MAGI2: variants seen among roughly 807,000 people sequenced by gnomAD.
MAGI2 encodes membrane-associated guanylate kinase, WW and PDZ domain-containing protein 2.
In MAGI2, 35 loss-of-function variants were observed where a neutral mutation model predicts 133.3. The observed-to-expected ratio is 0.26, with a 90% CI of 0.20 to 0.35. The LOEUF is 0.35. Among genes scored for constraint, MAGI2 ranks in the 10% least tolerant of loss-of-function variants. The probability of loss-of-function intolerance (pLI) is 1.00; values close to 1 mark genes in which losing one functional copy is unlikely to be tolerated. For missense variants in MAGI2, 1,636 were observed against 1,863.4 expected, an observed-to-expected ratio of 0.88 and a Z score of 2.25; for synonymous variants, 729 against 710.6, an observed-to-expected ratio of 1.03 and a Z score of -0.41.
intron 2 of MAGI2, among the ~76,000 whole-genome samples, chr7:78,873,945 A>G (rs984130213): frequency 2.0e-5 from 3 of 152,188 alleles, no homozygotes; most frequent in Non-Finnish European, 4.4e-5. Flanking sequence ...TTTCCAGATA[A>G]TCACTACCTA....
At chr7:79,181,243 G>T (rs930693133) in intron 1 of MAGI2, among the ~76,000 whole-genome samples, 9 of 151,946 alleles carry the variant, frequency 5.9e-5, no homozygotes, top group Non-Finnish European at 1.3e-4. Context: ...CCTAGAAGAG[G>T]GTCTCCATGA....
At chr7:78,423,666 C>T (rs1445426965) in intron 6 of MAGI2, among the ~76,000 whole-genome samples, 1 of 152,100 alleles carries the variant, frequency 6.6e-6, no homozygotes, top group Non-Finnish European at 1.5e-5. Flanking sequence ...CAATAAGGTC[C>T]AGGCTGAGGT....
chr7:78,628,452 A>C (rs926509971), intron 2 of MAGI2, among the ~76,000 whole-genome samples: 16 of 152,166 alleles, frequency 1.1e-4, no homozygotes, highest in African/African-American at 3.9e-4. Flanking sequence ...GAAAATAGCC[A>C]GTCGGTTCTC....
chr7:79,431,211 TAA>T (rs1363551076), intron 1 of MAGI2, among the ~76,000 whole-genome samples: 2 of 152,196 alleles, frequency 1.3e-5, no homozygotes, highest in Non-Finnish European at 2.9e-5. Context: ...GCCAAATCCC[TAA>T]GTTTACATTT....
At chr7:78,563,067 G>A (rs1409870617) in intron 3 of MAGI2, among the ~76,000 whole-genome samples, 1 of 151,470 alleles carries the variant, frequency 6.6e-6, no homozygotes, top group Non-Finnish European at 1.5e-5. Context: ...TGACAACATG[G>A]TAGTAATGGT....
intron 1 of MAGI2, among the ~76,000 whole-genome samples, chr7:79,130,165 A>AT (rs1446921779): frequency 6.6e-6 from 1 of 151,204 alleles, no homozygotes; most frequent in East Asian, 2.0e-4. Flanking sequence ...AAAAAAAAAA[A>AT]AAAAAATTAG....
In MAGI2 at chr7:78,529,667, G is replaced by GTTT. The variant is rs1563128653; in HGVS notation, c.539-8023_539-8022insAAA. On this transcript the variant is annotated intron_variant, in intron 3 of 21. Coordinates refer to ENST00000354212, the MANE Select transcript of MAGI2 (RefSeq NM_012301.4). ...TTTTCTTTTCCTTGCTAAAGGAGAT[G>GTTT]GTTTTTTTTTTTTTTTTTTTTTTTT... Among the ~76,000 whole-genome samples, 24 of 56,332 alleles carry GTTT rather than the reference G, an allele frequency of 4.3e-4. 1 individual carries two copies. In the South Asian group the frequency reaches 5.0e-3, roughly 12 times the overall value. The allele number at this position is 56,332 out of a possible 152,430, so 37.0% of individuals were successfully genotyped here.
rs78564265 is a variant in MAGI2, at chr7:79,090,455, T to C, written c.302-83249A>G. Among the ~76,000 whole-genome samples, 33 of 152,226 alleles carry C rather than the reference T, an allele frequency of 2.2e-4. No homozygotes were observed. In the East Asian group the frequency reaches 5.6e-3, roughly 26 times the overall value. On this transcript the variant is annotated intron_variant, in intron 1 of 21. Coordinates refer to ENST00000354212, the MANE Select transcript of MAGI2 (RefSeq NM_012301.4). ...ATCCTGAGGAATGTCATATAGTTAGTTTATAATGTAATAATTTCTTGACTG... is the reference window on the plus strand; with the variant it reads ...ATCCTGAGGAATGTCATATAGTTAGCTTATAATGTAATAATTTCTTGACTG...
At chr7:78,612,129 A>AT (rs544035006) in intron 3 of MAGI2, among the ~76,000 whole-genome samples, 19 of 151,706 alleles carry the variant, frequency 1.3e-4, no homozygotes, top group African/African-American at 3.4e-4. Flanking sequence ...TTAGGACACA[A>AT]TTTTTTTTTC....
At chr7:79,037,755 T>C (rs1050324439) in intron 1 of MAGI2, among the ~76,000 whole-genome samples, 5 of 152,194 alleles carry the variant, frequency 3.3e-5, no homozygotes, top group African/African-American at 1.2e-4. Flanking sequence ...GTGATTGATA[T>C]GTCATGTAAG....
At chr7:78,608,712 AC>A (rs1441203499) in intron 3 of MAGI2, among the ~76,000 whole-genome samples, 1 of 152,130 alleles carries the variant, frequency 6.6e-6, no homozygotes, top group African/African-American at 2.4e-5. Context: ...GATGTTAGGC[AC>A]TTTAATTTAT....
chr7:79,191,348 TGCAGCAA>T (rs1827636490), intron 1 of MAGI2, among the ~76,000 whole-genome samples: 1 of 150,802 alleles, frequency 6.6e-6, no homozygotes, highest in Non-Finnish European at 1.5e-5. Context: ...AAAAGTATCT[TGCAGCAA>T]TTTCATTTCC....
intron 1 of MAGI2, among the ~76,000 whole-genome samples, chr7:79,117,467 A>T (rs1819506223): frequency 6.6e-6 from 1 of 152,182 alleles, no homozygotes; most frequent in African/African-American, 2.4e-5. Flanking sequence ...TGCAAAGGTA[A>T]TACTAAACAG....
At chr7:79,120,376 G>C (rs1346389719) in intron 1 of MAGI2, among the ~76,000 whole-genome samples, 1 of 152,006 alleles carries the variant, frequency 6.6e-6, no homozygotes, top group African/African-American at 2.4e-5. Flanking sequence ...TGATATGCAA[G>C]ATGGAAGTAC....
At chr7:79,390,468 C>T (rs1844521063) in intron 1 of MAGI2, among the ~76,000 whole-genome samples, 1 of 151,992 alleles carries the variant, frequency 6.6e-6, no homozygotes, top group African/African-American at 2.4e-5. Flanking sequence ...GAGCAGCAAT[C>T]CTATTTTATT....
chr7:78,382,306 G>A (rs1429960669), intron 6 of MAGI2, among the ~76,000 whole-genome samples: 1 of 151,820 alleles, frequency 6.6e-6, no homozygotes, highest in Non-Finnish European at 1.5e-5. Context: ...AGACTTCTCT[G>A]AGTATATCTT....
chr7:79,383,818 C>T (rs1843981130), intron 1 of MAGI2, among the ~76,000 whole-genome samples: 1 of 151,322 alleles, frequency 6.6e-6, no homozygotes, highest in South Asian at 2.1e-4. Context: ...GGATACTTCG[C>T]TAACATGATA....
intron 2 of MAGI2, among the ~76,000 whole-genome samples, chr7:78,643,565 A>G (rs1485630244): frequency 6.6e-6 from 1 of 152,176 alleles, no homozygotes; most frequent in African/African-American, 2.4e-5. Flanking sequence ...GGAGGACTCA[A>G]GTTATTAAGA....
chr7:78,902,586 T>G (rs1193343430), intron 2 of MAGI2: 1 of 152,036 alleles, frequency 6.6e-6, no homozygotes, highest in African/African-American at 2.4e-5. Context: ...GAAGCCGGAG[T>G]TCTACAATTC....
Sources: allele counts gnomAD v4.1 joint callset (sites outside exome capture counted in the v4.1 genomes callset), GRCh38; gene constraint gnomAD v4.1.1; transcripts MANE v1.5; gene names NCBI Gene and HGNC (gene_info 2026-07-23, HGNC 2026-07-21).